G6PC3: variants seen among roughly 807,000 people sequenced by gnomAD.
G6PC3 encodes glucose-6-phosphatase 3.
Under a neutral mutation model 38.6 loss-of-function variants are expected in G6PC3, and 30 were observed. That is an observed-to-expected ratio of 0.78 (90% CI 0.58 to 1.05). The LOEUF (loss-of-function observed/expected upper bound fraction) is 1.05. G6PC3 is among the 50% of genes least tolerant of loss of function. The pLI is 0.00. For missense variants in G6PC3, 377 were observed against 443.1 expected, an observed-to-expected ratio of 0.85 and a Z score of 1.34; for synonymous variants, 192 against 178.1, an observed-to-expected ratio of 1.08 and a Z score of -0.62.
At chr17:44,074,627 C>T in intron 2 of G6PC3, 53 bp from the exon 3 acceptor site, 4 of 1,500,638 alleles carry the variant, frequency 2.7e-6, no homozygotes, top group South Asian at 1.1e-5. Context: ...TCACCAGGGG[C>T]CCCGGGGTTC....
Position 44,074,228 on chromosome 17 carries a change from A to T in G6PC3, c.287A>T (p.Gln96Leu), listed in dbSNP as rs1029568652. 5.6e-6 allele frequency: 9 copies of T among 1,613,940 alleles called. No homozygotes were observed. The highest frequency in any genetic ancestry group is 7.6e-6 in the Non-Finnish European group (9 of 1,179,914). ...ESGYYSQAPAQVHQFPSSCET... is the reference protein window; with the variant it reads ...ESGYYSQAPALVHQFPSSCET... ...GGTTACTACAGCCAGGCTCCAGCCCAGGTTCACCAGTTCCCCTCTTCTTGT... is the reference window on the plus strand; with the variant it reads ...GGTTACTACAGCCAGGCTCCAGCCCTGGTTCACCAGTTCCCCTCTTCTTGT... The change falls in exon 2 of 6, where the codon CAG becomes CTG. Residue 96 changes from glutamine to leucine, a missense_variant. Physicochemically the swap from Gln to Leu is moderately radical, Grantham distance 113 (BLOSUM62 -2). Transcript: ENST00000269097.
intron 2 of G6PC3, 27 bp downstream of exon 2, chr17:44,074,293 T>C: frequency 6.6e-7 from 1 of 1,520,804 alleles, no homozygotes; most frequent in Non-Finnish European, 9.1e-7. Context: ...ATTCTCCCTT[T>C]CCCAATGTGG....
In G6PC3 at chr17:44,071,184, G is replaced by A. The variant is rs772298089; in HGVS notation, c.218+1G>A. 3 of 1,612,638 alleles carry A rather than the reference G, an allele frequency of 1.9e-6. No individual in the cohort carries two copies. Among genetic ancestry groups the A allele is most frequent in the Admixed American group, 3.3e-5 (2 of 59,956 alleles). On this transcript the variant is annotated splice_donor_variant, in intron 1 of 5. Transcript: ENST00000269097. LOFTEE classifies it high-confidence loss of function. ...AGTGGCTCAACCTCATCTTCAAGTG[G>A]TGAGACAGAGAAGCCCTCCGGCATC... is the stretch of plus-strand genomic sequence containing the variant.
Position 44,070,839 on chromosome 17 carries a change from C to T in G6PC3, c.-127C>T. 2 of 1,103,010 alleles carry T rather than the reference C, an allele frequency of 1.8e-6. No homozygotes were observed. Among genetic ancestry groups the T allele is most frequent in the South Asian group, 1.3e-5 (1 of 74,190 alleles). 68.3% of individuals were successfully genotyped at this position (1,103,010 alleles called of 1,614,324 possible). On this transcript the variant is annotated 5_prime_UTR_variant, in exon 1 of 6. Coordinates refer to ENST00000269097, the MANE Select transcript of G6PC3 (RefSeq NM_138387.4). ...TGGGGGCGGGGCTTGGTGGTGACCG[C>T]TGGCGGGGCGGGGCCTGGGGCTCAG...
In G6PC3 at chr17:44,076,118, C is replaced by CCCAT. The variant is rs2050105436; in HGVS notation, c.*78_*81dup. On this transcript the variant is annotated 3_prime_UTR_variant, in exon 6 of 6. Transcript: ENST00000269097. ...TGACCACCACACTCCAGGAGGCAGC[C>CCCAT]CCATCCCCTTCCAGCCCCTAAGTAG... The CCCAT allele has an allele frequency of 6.3e-7, 1 of 1,586,604 alleles. No homozygotes were observed. The highest frequency in any genetic ancestry group is 1.3e-5 in the African/African-American group (1 of 74,554).
chr17:44,075,852 A>G lies in G6PC3; in HGVS notation c.850A>G (p.Ile284Val), dbSNP rs2050092821. 3.1e-6 allele frequency: 5 copies of G among 1,612,242 alleles called. No homozygotes were observed. The highest frequency in any genetic ancestry group is 4.2e-6 in the Non-Finnish European group (5 of 1,179,994). ...GGCACAGCTGGGAAATGGCCAGAAG[A>G]TAGCCTGCCTTGTGCTGGCCATGGG... ...RRAQLGNGQKIACLVLAMGLL... is the reference protein window; with the variant it reads ...RRAQLGNGQKVACLVLAMGLL... Residue 284 changes from isoleucine (I) to valine (V), a missense_variant, in exon 6 of 6, where the codon ATA (isoleucine) becomes GTA (valine). By Grantham distance (29) the Ile-to-Val change is conservative. Transcript: ENST00000269097.
chr17:44,076,184 T>A lies in G6PC3; in HGVS notation c.*141T>A. The A allele has an allele frequency of 8.6e-7, 1 of 1,161,418 alleles. No individual in the cohort carries two copies. The highest frequency in any genetic ancestry group is 1.3e-6 in the Non-Finnish European group (1 of 782,750). The allele number at this position is 1,161,418 out of a possible 1,614,324, so 71.9% of individuals were successfully genotyped here. On this transcript the variant is annotated 3_prime_UTR_variant, in exon 6 of 6. Transcript: ENST00000269097. ...AATCTGCTTCCGCACCACCTGGTCT[T>A]AGCCCCAAAGATGGGCCTTCTCTCT...
rs2050099591 is a variant in G6PC3 at position 44,075,993 on chromosome 17, G to C, written c.991G>C (p.Ala331Pro). The change falls in exon 6 of 6, where the codon GCA (alanine) becomes CCA (proline). Residue 331 changes from alanine (A) to proline (P), a missense_variant. Transcript: ENST00000269097. ...PCLVLALVPWAVHMFSAQEAP... is the reference protein window; with the variant it reads ...PCLVLALVPWPVHMFSAQEAP... ...CCTAGTCCTGGCCCTCGTGCCCTGGGCAGTGCACATGTTCAGTGCCCAGGA... is the reference window on the plus strand; with the variant it reads ...CCTAGTCCTGGCCCTCGTGCCCTGGCCAGTGCACATGTTCAGTGCCCAGGA... 6.2e-7 allele frequency: 1 copy of C among 1,613,130 alleles called. No individual in the cohort carries two copies. The highest frequency in any genetic ancestry group is 1.1e-5 in the South Asian group (1 of 91,080).
chr17:44,074,851 G>C, intron 3 of G6PC3, 81 bp downstream of exon 3: 2 of 1,504,540 alleles, frequency 1.3e-6, no homozygotes. Flanking sequence ...ATGGCAGCCT[G>C]GGAGCTGGAG....
intron 5 of G6PC3, 76 bp from the exon 6 acceptor site, chr17:44,075,604 C>T: frequency 6.2e-7 from 1 of 1,604,222 alleles, no homozygotes; most frequent in South Asian, 1.1e-5. Flanking sequence ...GGGAGTGGGC[C>T]CCAAGGGCAG....
chr17:44,073,976 C>A, intron 1 of G6PC3, 184 bp from the exon 2 acceptor site: 1 of 685,858 alleles, frequency 1.5e-6, no homozygotes, highest in Admixed American at 2.3e-5. Flanking sequence ...CTTTCTTTCT[C>A]CTGTTCTAAG....
In G6PC3 at chr17:44,076,050, G is replaced by C. The variant is rs1319609343; in HGVS notation, c.*7G>C. 1.9e-6 allele frequency: 3 copies of C among 1,612,238 alleles called. No homozygotes were observed. In the East Asian group the frequency reaches 6.7e-5, roughly 36 times the overall value. ...GCCCATCCACTCTTCCTGACTTCTTGTGTGCCTCCCTTTCCTTTCCCTCCC... is the reference window on the plus strand; with the variant it reads ...GCCCATCCACTCTTCCTGACTTCTTCTGTGCCTCCCTTTCCTTTCCCTCCC... On this transcript the variant is annotated 3_prime_UTR_variant, in exon 6 of 6. Transcript: ENST00000269097.
In G6PC3 at chr17:44,074,774, T is replaced by C; in HGVS notation, c.416+4T>C. Reference sequence around the variant, plus strand: ...AGGTGGCCACTCGGGCCCGCAGGTATACCCTTGGCATTGCCCACCATTGGG... The same window carrying C: ...AGGTGGCCACTCGGGCCCGCAGGTACACCCTTGGCATTGCCCACCATTGGG... On this transcript the variant is annotated splice_donor_region_variant and intron_variant, in intron 3 of 5. Coordinates refer to ENST00000269097, the MANE Select transcript of G6PC3 (RefSeq NM_138387.4). 1 of 1,613,512 alleles carries C rather than the reference T, an allele frequency of 6.2e-7. No individual in the cohort carries two copies. The highest frequency in any genetic ancestry group is 8.5e-7 in the Non-Finnish European group (1 of 1,179,516).
Position 44,070,911 on chromosome 17 carries a change from G to A in G6PC3, c.-55G>A. 6.5e-7 allele frequency: 1 copy of A among 1,537,466 alleles called. No homozygotes were observed. Among genetic ancestry groups the A allele is most frequent in the East Asian group, 2.4e-5 (1 of 40,900 alleles). On this transcript the variant is annotated 5_prime_UTR_variant, in exon 1 of 6. Transcript: ENST00000269097. ...GAGGGTCGACGCTGCTTCGTTGCCT[G>A]GACTCTGGTTTCCGCCCTGGAGCAA...
Position 44,074,280 on chromosome 17 carries a change from A to G in G6PC3, c.325+14A>G, listed in dbSNP as rs887543263. On this transcript the variant is annotated intron_variant, in intron 2 of 5. Transcript: ENST00000269097. ...AGACTGGTCCAGGTGGGAAGCCTCA[A>G]ACATTCTCCCTTTCCCAATGTGGTT... 4 of 1,568,466 alleles carry G rather than the reference A, an allele frequency of 2.6e-6. No homozygotes were observed. Among genetic ancestry groups the G allele is most frequent in the Non-Finnish European group, 3.5e-6 (4 of 1,138,438 alleles).
At chr17:44,074,903 T>G (rs1936265517) in intron 3 of G6PC3, 66 bp from the exon 4 acceptor site, 7 of 1,470,196 alleles carry the variant, frequency 4.8e-6, no homozygotes, top group Non-Finnish European at 6.7e-6. Context: ...ATGGAGTACC[T>G]GGGTGCTGCA....
rs946114161 is a variant in G6PC3 at position 44,070,789 on chromosome 17, C to G, written c.-177C>G. The G allele has an allele frequency of 5.7e-6, 4 of 705,314 alleles. No homozygotes were observed. The highest frequency in any genetic ancestry group is 2.1e-5 in the Admixed American group (1 of 47,928). The allele number at this position is 705,314 out of a possible 1,614,324, so 43.7% of individuals were successfully genotyped here. A position where few individuals can be genotyped will look rare whatever the true frequency, so the allele number is the denominator to read the frequency against. On this transcript the variant is annotated 5_prime_UTR_variant, in exon 1 of 6. Coordinates refer to ENST00000269097, the MANE Select transcript of G6PC3 (RefSeq NM_138387.4). ...GGAGGAAACAGTACCGGCTGGAGGC[C>G]GGTCTTGCAGGAGCGGGGGACTGCT...
chr17:44,075,663 A>C lies in G6PC3; in HGVS notation c.678-17A>C, dbSNP rs1440881764. On this transcript the variant is annotated splice_polypyrimidine_tract_variant and intron_variant, in intron 5 of 5. Coordinates refer to ENST00000269097, the MANE Select transcript of G6PC3 (RefSeq NM_138387.4). ...TATGTTCCAGCCTCTCCTGGCAAGA[A>C]CTCTTCTTCCCCACAGGTCCATCAG... is the stretch of plus-strand genomic sequence containing the variant. 6.2e-7 allele frequency: 1 copy of C among 1,609,090 alleles called. No homozygotes were observed. The highest frequency in any genetic ancestry group is 1.1e-5 in the South Asian group (1 of 91,066).
chr17:44,075,420 AC>A lies in G6PC3; in HGVS notation c.649del (p.Leu217SerfsTer14). 6.2e-7 allele frequency: 1 copy of A among 1,613,802 alleles called. No homozygotes were observed. Among genetic ancestry groups the A allele is most frequent in the Non-Finnish European group, 8.5e-7 (1 of 1,179,944 alleles). On this transcript the variant is annotated frameshift_variant, in exon 5 of 6. Coordinates refer to ENST00000269097, the MANE Select transcript of G6PC3 (RefSeq NM_138387.4). LOFTEE classifies it high-confidence loss of function. ...GCTAGGCACCAGCCTCATCTATTGG[AC>A]CCTCTTTACACTGGGCCTGGATCTT... Reference protein sequence around the residue: ...LMLGTSLIYWTLFTLGLDLSW... With the variant: ...LMLGTSLIYWXLFTLGLDLSW...
Sources: allele counts gnomAD v4.1 joint callset, GRCh38; gene constraint gnomAD v4.1.1; transcripts MANE v1.5; gene names NCBI Gene and HGNC (gene_info 2026-07-23, HGNC 2026-07-21).